Variants in GPC5 observed in about 807,000 individuals in gnomAD.
GPC5 encodes glypican 5.
In GPC5, 47 loss-of-function variants were observed where a neutral mutation model predicts 53.9. The observed-to-expected ratio is 0.87, with a 90% confidence interval of 0.69 to 1.11. The LOEUF (loss-of-function observed/expected upper bound fraction) is 1.11, where lower values mean the gene tolerates loss of function less well. Ranked by LOEUF, GPC5 falls within the 50% of genes most tolerant of loss-of-function variation. The pLI is 0.00. For missense variants in GPC5, 748 were observed against 713.1 expected, an observed-to-expected ratio of 1.05 and a Z score of -0.56; for synonymous variants, 286 against 263.3, an observed-to-expected ratio of 1.09 and a Z score of -0.84.
intron 7 of GPC5, among the ~76,000 whole-genome samples, chr13:92,700,089 T>C (rs977791879): frequency 6.6e-6 from 1 of 152,178 alleles, no homozygotes; most frequent in African/African-American, 2.4e-5. Context: ...TTCTAAGAAC[T>C]TGCTTTATGA....
At chr13:92,327,541 T>G (rs1367264496) in intron 7 of GPC5, among the ~76,000 whole-genome samples, 1 of 152,178 alleles carries the variant, frequency 6.6e-6, no homozygotes, top group East Asian at 1.9e-4. Context: ...AAATGGTGCA[T>G]CTGCTGGAGC....
intron 6 of GPC5, among the ~76,000 whole-genome samples, chr13:91,923,913 T>C (rs1459199445): frequency 6.6e-6 from 1 of 152,134 alleles, no homozygotes; most frequent in Non-Finnish European, 1.5e-5. Context: ...AAGACATATA[T>C]AACAAAGCAA....
At chr13:91,892,274 C>A (rs929496367) in intron 5 of GPC5, among the ~76,000 whole-genome samples, 6 of 151,782 alleles carry the variant, frequency 4.0e-5, no homozygotes, top group African/African-American at 1.4e-4. Context: ...ATTCTCTTTT[C>A]TTTTCAACTC....
At chr13:91,847,594 C>G (rs147299389) in intron 5 of GPC5, among the ~76,000 whole-genome samples, 43 of 152,140 alleles carry the variant, frequency 2.8e-4, no homozygotes, top group African/African-American at 7.5e-4. Context: ...AATTTCTAAC[C>G]TAAGAATAAG....
At chr13:92,610,543 A>T (rs1487492593) in intron 7 of GPC5, among the ~76,000 whole-genome samples, 6 of 152,214 alleles carry the variant, frequency 3.9e-5, no homozygotes, top group Non-Finnish European at 7.3e-5. Context: ...TCACTTTCAC[A>T]AATCTAGGAA....
intron 4 of GPC5, among the ~76,000 whole-genome samples, chr13:91,739,196 T>C (rs2036877154): frequency 6.6e-6 from 1 of 151,344 alleles, no homozygotes; most frequent in African/African-American, 2.5e-5. Flanking sequence ...GTCTAAGTGG[T>C]ATGGAAAGTG....
intron 2 of GPC5, among the ~76,000 whole-genome samples, chr13:91,630,570 G>C (rs922599691): frequency 6.6e-6 from 1 of 152,158 alleles, no homozygotes; most frequent in Admixed American, 6.6e-5. Flanking sequence ...GGGAGATTCA[G>C]CCCAGTTAAC....
intron 7 of GPC5, among the ~76,000 whole-genome samples, chr13:92,248,923 T>C (rs2042672607): frequency 6.6e-6 from 1 of 152,164 alleles, no homozygotes; most frequent in Non-Finnish European, 1.5e-5. Context: ...AGTGGTCTCC[T>C]AGGCAGCAAT....
At chr13:91,689,956 G>A (rs139307146) in intron 2 of GPC5, among the ~76,000 whole-genome samples, 540 of 152,266 alleles carry the variant, frequency 3.5e-3, no homozygotes, top group Middle Eastern at 0.024. Context: ...ATTATGTACT[G>A]TACATACTTG....
chr13:92,084,805 T>C (rs749460481), intron 6 of GPC5, among the ~76,000 whole-genome samples: 2 of 152,260 alleles, frequency 1.3e-5, no homozygotes, highest in Non-Finnish European at 2.9e-5. Flanking sequence ...TTCCTTGTCA[T>C]TGGTGTGGTA....
intron 7 of GPC5, among the ~76,000 whole-genome samples, chr13:92,548,640 A>G (rs1882207839): frequency 6.6e-6 from 1 of 152,086 alleles, no homozygotes; most frequent in Admixed American, 6.6e-5. Context: ...TTTTTACGTG[A>G]AAAAGTGAAG....
chr13:92,138,538 AAATAAAAAAAAAT>A (rs1192068990), intron 6 of GPC5, among the ~76,000 whole-genome samples: 21 of 148,498 alleles, frequency 1.4e-4, no homozygotes, highest in African/African-American at 2.0e-4. Context: ...AAAAAATAAA[AAATAAAAAAAAAT>A]AAAAATAAAA....
intron 7 of GPC5, among the ~76,000 whole-genome samples, chr13:92,840,078 CATATATATATATATATATATATATAT>C (rs4001881): frequency 3.9e-4 from 39 of 99,016 alleles, no homozygotes; most frequent in African/African-American, 1.2e-3. Flanking sequence ...TATATACATA[CATATATATATATATATATATATATAT>C]ATATATATAT....
chr13:92,650,008 TAA>T (rs2139164244), intron 7 of GPC5, among the ~76,000 whole-genome samples: 1 of 152,284 alleles, frequency 6.6e-6, no homozygotes, highest in South Asian at 2.1e-4. Context: ...ACTTTAAATA[TAA>T]AGACTCAATG....
chr13:91,414,613 G>C (rs1430395577), intron 1 of GPC5, among the ~76,000 whole-genome samples: 2 of 152,178 alleles, frequency 1.3e-5, no homozygotes, highest in East Asian at 3.9e-4. Context: ...GGATGCAGAT[G>C]GGCTAAAGCA....
intron 7 of GPC5, among the ~76,000 whole-genome samples, chr13:92,788,693 C>T (rs1214010823): frequency 6.6e-6 from 1 of 152,088 alleles, no homozygotes; most frequent in African/African-American, 2.4e-5. Flanking sequence ...TTGGCTAATA[C>T]AGAAAGCAAA....
intron 6 of GPC5, among the ~76,000 whole-genome samples, chr13:92,095,322 T>G (rs1197460046): frequency 6.6e-6 from 1 of 152,144 alleles, no homozygotes; most frequent in Admixed American, 6.5e-5. Context: ...AATTCTTTTT[T>G]CTTATAATAG....
chr13:92,685,495 C>A (rs1338751689), intron 7 of GPC5, among the ~76,000 whole-genome samples: 1 of 149,564 alleles, frequency 6.7e-6, no homozygotes, highest in East Asian at 2.0e-4. Context: ...CAAGTCTGAC[C>A]CTCTGCATTT....
intron 6 of GPC5, among the ~76,000 whole-genome samples, chr13:92,124,271 A>C (rs1297006455): frequency 4.0e-5 from 6 of 151,132 alleles, no homozygotes; most frequent in Admixed American, 4.0e-4. Context: ...AAAAAAAAAA[A>C]AACTAGTTCT....
Sources: gnomAD v4.1 joint callset for allele counts (sites outside exome capture counted in the v4.1 genomes callset) on GRCh38, gnomAD v4.1.1 for gene constraint, MANE v1.5 for transcripts, NCBI Gene and HGNC (gene_info 2026-07-23, HGNC 2026-07-21) for gene names.